CNTN3: variants seen among roughly 807,000 people sequenced by gnomAD.
CNTN3 encodes the protein contactin-3.
Under a neutral mutation model 119.1 loss-of-function variants are expected in CNTN3, and 60 were observed. The observed-to-expected ratio is 0.50, with a 90% CI of 0.41 to 0.62. CNTN3 has a LOEUF of 0.62. Ranked by LOEUF, CNTN3 falls within the 20% of genes least tolerant of loss-of-function variation. The pLI is 0.00. For missense variants in CNTN3, 1,101 were observed against 1,242.4 expected (o/e 0.89, Z 1.71); for synonymous variants, 450 against 438.7 (o/e 1.03, Z -0.32).
intron 20 of CNTN3, among the ~76,000 whole-genome samples, chr3:74,270,889 A>C (rs1701761086): frequency 6.6e-6 from 1 of 152,210 alleles, no homozygotes; most frequent in African/African-American, 2.4e-5. Flanking sequence ...CTGGTAAAAA[A>C]CTAATCCTAG....
chr3:74,516,113 G>C, intron 2 of CNTN3, among the ~76,000 whole-genome samples: 1 of 151,968 alleles, frequency 6.6e-6, no homozygotes, highest in East Asian at 1.9e-4. Flanking sequence ...AGGCAGTCTA[G>C]AAAAAGCTCT....
chr3:74,499,460 A>G (rs6765009), intron 3 of CNTN3, among the ~76,000 whole-genome samples, 199 bp downstream of exon 3: 99,570 of 151,798 alleles, frequency 0.66, 33,622 homozygotes, highest in Middle Eastern at 0.76. Flanking sequence ...TTCTGCCATG[A>G]TCAATAATTA....
At chr3:74,552,937 CTTTCT>C (rs1196735937) in intron 1 of CNTN3, among the ~76,000 whole-genome samples, 1 of 152,078 alleles carries the variant, frequency 6.6e-6, no homozygotes, top group Non-Finnish European at 1.5e-5. Context: ...AACCTCACTC[CTTTCT>C]TTTTTTAATT....
chr3:74,400,992 G>C (rs1705174982), intron 5 of CNTN3, among the ~76,000 whole-genome samples: 2 of 152,054 alleles, frequency 1.3e-5, no homozygotes, highest in Non-Finnish European at 2.9e-5. Flanking sequence ...TTCAAAATAA[G>C]AAAAGATTCA....
intron 13 of CNTN3, among the ~76,000 whole-genome samples, chr3:74,329,576 T>C (rs1703212327): frequency 6.6e-6 from 1 of 152,202 alleles, no homozygotes; most frequent in South Asian, 2.1e-4. Context: ...GTTAGCTTAC[T>C]GAGCAAGTCA....
chr3:74,415,730 G>A (rs1701508767), intron 5 of CNTN3, among the ~76,000 whole-genome samples: 1 of 152,208 alleles, frequency 6.6e-6, no homozygotes, highest in South Asian at 2.1e-4. Flanking sequence ...AGGCCAGGCA[G>A]TCTTTCGTCC....
chr3:74,280,710 A>G (rs1397997900), intron 20 of CNTN3, among the ~76,000 whole-genome samples: 2 of 152,240 alleles, frequency 1.3e-5, no homozygotes, highest in Non-Finnish European at 2.9e-5. Context: ...GCACTGGAGT[A>G]GAGCTCTGGG....
At chr3:74,575,264 T>A (rs1704395829) in intron 1 of CNTN3, among the ~76,000 whole-genome samples, 1 of 152,036 alleles carries the variant, frequency 6.6e-6, no homozygotes, top group Non-Finnish European at 1.5e-5. Flanking sequence ...GATTAATATT[T>A]TTTTTGAGAT....
chr3:74,594,967 T>C (rs1291824178), intron 1 of CNTN3, among the ~76,000 whole-genome samples: 1 of 152,182 alleles, frequency 6.6e-6, no homozygotes, highest in Non-Finnish European at 1.5e-5. Flanking sequence ...TGTTGTTTCC[T>C]GACTTTTGAA....
At chr3:74,612,400 G>T (rs919509043) in intron 1 of CNTN3, among the ~76,000 whole-genome samples, 2 of 152,138 alleles carry the variant, frequency 1.3e-5, no homozygotes, top group Non-Finnish European at 2.9e-5. Context: ...GCCATTTTAA[G>T]GTACACTTGG....
At chr3:74,321,980 G>A (rs1386034019) in intron 13 of CNTN3, among the ~76,000 whole-genome samples, 4 of 152,088 alleles carry the variant, frequency 2.6e-5, no homozygotes, top group African/African-American at 9.7e-5. Flanking sequence ...GAGGTCAGAA[G>A]TTCGAAATCA....
chr3:74,427,827 C>A (rs1274801758), intron 4 of CNTN3, among the ~76,000 whole-genome samples: 2 of 151,828 alleles, frequency 1.3e-5, no homozygotes, highest in Non-Finnish European at 2.9e-5. Flanking sequence ...TTACACATAA[C>A]AAAACATGCA....
intron 20 of CNTN3, among the ~76,000 whole-genome samples, chr3:74,275,997 T>A (rs551253986): frequency 6.6e-6 from 1 of 152,240 alleles, no homozygotes; most frequent in South Asian, 2.1e-4. Flanking sequence ...GTAGCTACTC[T>A]TATATCAAAC....
intron 5 of CNTN3, among the ~76,000 whole-genome samples, chr3:74,397,952 C>A (rs1344698370): frequency 1.3e-5 from 2 of 152,146 alleles, no homozygotes; most frequent in South Asian, 2.1e-4. Flanking sequence ...AAAGATGTGA[C>A]TGAATTGCTA....
intron 1 of CNTN3, among the ~76,000 whole-genome samples, chr3:74,523,515 C>A: frequency 6.6e-6 from 1 of 151,792 alleles, no homozygotes; most frequent in East Asian, 2.0e-4. Context: ...TTGAGGAGTA[C>A]ATTGATTGAA....
chr3:74,462,304 G>C (rs561203942), intron 4 of CNTN3, among the ~76,000 whole-genome samples: 1 of 152,124 alleles, frequency 6.6e-6, no homozygotes, highest in South Asian at 2.1e-4. Context: ...TTATAGCAAT[G>C]TGAAATAAGG....
intron 5 of CNTN3, among the ~76,000 whole-genome samples, chr3:74,386,662 A>G (rs2106820687): frequency 6.6e-6 from 1 of 152,358 alleles, no homozygotes; most frequent in South Asian, 2.1e-4. Context: ...TCTGTAAGCC[A>G]GGGAAAGATT....
At chr3:74,433,130 A>T (rs532000037) in intron 4 of CNTN3, among the ~76,000 whole-genome samples, 1 of 152,232 alleles carries the variant, frequency 6.6e-6, no homozygotes, top group African/African-American at 2.4e-5. Flanking sequence ...ATTTCAAATG[A>T]ACCTCTGACA....
At chr3:74,570,985 C>T (rs75197045) in intron 1 of CNTN3, among the ~76,000 whole-genome samples, 5,658 of 152,132 alleles carry the variant, frequency 0.037, 135 homozygotes, top group South Asian at 0.07. Context: ...AGTTAATTCA[C>T]GTTTGAAGTA....
Sources: allele counts gnomAD v4.1 joint callset (sites outside exome capture counted in the v4.1 genomes callset), GRCh38; gene constraint gnomAD v4.1.1; transcripts MANE v1.5; gene names NCBI Gene and HGNC (gene_info 2026-07-23, HGNC 2026-07-21).